The following CCDC85A variants were observed in gnomAD, a reference collection of about 807,000 sequenced individuals.
The protein encoded by CCDC85A is coiled-coil domain-containing protein 85A.
In CCDC85A, 38 loss-of-function variants were observed where a neutral mutation model predicts 50.2. That is an observed-to-expected ratio of 0.76 (90% confidence interval 0.58 to 0.99). The LOEUF is 0.99. CCDC85A is among the 50% of genes least tolerant of loss of function. The probability of loss-of-function intolerance (pLI) is 0.00; values close to 1 mark genes in which losing one functional copy is unlikely to be tolerated. For synonymous variants in CCDC85A, 366 were observed against 301.4 expected (o/e 1.21, Z -2.22); for missense variants, 820 against 742.0 (o/e 1.11, Z -1.22).
intron 2 of CCDC85A, among the ~76,000 whole-genome samples, chr2:56,303,826 C>T (rs149955455): frequency 4.6e-5 from 7 of 152,188 alleles, no homozygotes; most frequent in Non-Finnish European, 1.0e-4. Flanking sequence ...TATGTTCTGG[C>T]ATCGTTAATG....
rs750596286 is a variant in CCDC85A, at chr2:56,192,606, G to T, written c.406G>T (p.Val136Leu). ...WQRLGRYTAG[V>L]MHKEVALYLQ... ...GAGACTGGGTCGCTACACTGCCGGG[G>T]TGATGCACAAGGAAGTGGCCTTATA... Residue 136 changes from valine (V) to leucine (L), a missense_variant, in exon 2 of 6, where the codon GTG becomes TTG. Val to Leu is a conservative substitution (Grantham distance 32). Coordinates refer to ENST00000407595, the MANE Select transcript of CCDC85A (RefSeq NM_001080433.2). The surrounding 1 kb of genome is among the most constrained non-coding windows in gnomAD (Gnocchi z 4.7). The T allele has an allele frequency of 6.2e-7, 1 of 1,613,968 alleles. No individual in the cohort carries two copies. The highest frequency in any genetic ancestry group is 8.5e-7 in the Non-Finnish European group (1 of 1,179,876).
intron 2 of CCDC85A, among the ~76,000 whole-genome samples, chr2:56,319,525 G>A (rs144746283): frequency 2.5e-4 from 38 of 152,138 alleles, no homozygotes; most frequent in South Asian, 8.3e-4. Flanking sequence ...TAAATGTTTC[G>A]CACTCTTTTT....
chr2:56,193,393 A>G lies in CCDC85A; in HGVS notation c.1193A>G (p.Gln398Arg). 6.2e-7 allele frequency: 1 copy of G among 1,611,236 alleles called. No homozygotes were observed. The highest frequency in any genetic ancestry group is 8.5e-7 in the Non-Finnish European group (1 of 1,178,734). ...SREGTLRRQA[Q>R]EDGSPHHRNV... ...GAGGGCACCCTCAGACGGCAGGCAC[A>G]GGAGGACGGGTCACCCCATCACCGG... Residue 398 changes from glutamine to arginine, a missense_variant, in exon 2 of 6, where the codon CAG becomes CGG. Transcript: ENST00000407595.
intron 2 of CCDC85A, among the ~76,000 whole-genome samples, chr2:56,231,480 TAAAGGAAGG>T (rs1668770172): frequency 6.6e-6 from 1 of 152,180 alleles, no homozygotes; most frequent in Non-Finnish European, 1.5e-5. Context: ...GACACATTCT[TAAAGGAAGG>T]AACTTCTTAG....
intron 5 of CCDC85A, among the ~76,000 whole-genome samples, chr2:56,382,055 A>G (rs374764594): frequency 2.0e-5 from 3 of 151,998 alleles, no homozygotes; most frequent in Non-Finnish European, 4.4e-5. Context: ...AACAAACCCA[A>G]ATCTGATTCT....
At chr2:56,204,655 G>C (rs531386058) in intron 2 of CCDC85A, among the ~76,000 whole-genome samples, 31 of 152,264 alleles carry the variant, frequency 2.0e-4, no homozygotes, top group South Asian at 6.2e-4. Context: ...CTTCCTCCAG[G>C]AGTTGTGCAT....
chr2:56,256,990 A>G (rs1487447843), intron 2 of CCDC85A, among the ~76,000 whole-genome samples: 1 of 152,100 alleles, frequency 6.6e-6, no homozygotes, highest in Non-Finnish European at 1.5e-5. Context: ...GAGCTTGTTT[A>G]TAGGGGGAAC....
intron 3 of CCDC85A, 68 bp from the exon 4 acceptor site, chr2:56,372,276 T>A: frequency 1.4e-6 from 2 of 1,419,344 alleles, no homozygotes; most frequent in Non-Finnish European, 1.9e-6. Flanking sequence ...TCATGTTCTA[T>A]CTGCTTTCTT....
chr2:56,259,404 T>C (rs567586503), intron 2 of CCDC85A, among the ~76,000 whole-genome samples: 4 of 152,260 alleles, frequency 2.6e-5, no homozygotes, highest in Non-Finnish European at 2.9e-5. Context: ...TCCCAGCCTA[T>C]TGCTCCAGTG....
chr2:56,255,389 T>A (rs1669939727), intron 2 of CCDC85A, among the ~76,000 whole-genome samples: 1 of 151,950 alleles, frequency 6.6e-6, no homozygotes, highest in South Asian at 2.1e-4. Context: ...AGCTCCTAGG[T>A]AAGTGGTAGA....
At chr2:56,315,920 G>A (rs1672901542) in intron 2 of CCDC85A, among the ~76,000 whole-genome samples, 1 of 152,096 alleles carries the variant, frequency 6.6e-6, no homozygotes, top group Non-Finnish European at 1.5e-5. Context: ...GAGAATGAAT[G>A]TATGTAACTA....
intron 2 of CCDC85A, among the ~76,000 whole-genome samples, chr2:56,254,071 C>T (rs967787481): frequency 1.5e-4 from 23 of 152,134 alleles, no homozygotes; most frequent in African/African-American, 5.6e-4. Flanking sequence ...CACATATACA[C>T]ATATACATAT....
rs377638520 is a variant in CCDC85A, at chr2:56,192,436, A to G, written c.277-41A>G. ...GGAAGTCTGAGCCTGCTGACACCTCAGATGTGTACTTCCCTTGAATGGTTG... is the reference window on the plus strand; with the variant it reads ...GGAAGTCTGAGCCTGCTGACACCTCGGATGTGTACTTCCCTTGAATGGTTG... On this transcript the variant is annotated intron_variant, in intron 1 of 5. Coordinates refer to ENST00000407595, the MANE Select transcript of CCDC85A (RefSeq NM_001080433.2). This position sits in a 1 kb window ranked among gnomAD's most constrained non-coding sequence, Gnocchi z 4.7. 2 of 1,563,118 alleles carry G rather than the reference A, an allele frequency of 1.3e-6. No individual in the cohort carries two copies. Among genetic ancestry groups the G allele is most frequent in the African/African-American group, 2.7e-5 (2 of 73,408 alleles).
intron 2 of CCDC85A, among the ~76,000 whole-genome samples, chr2:56,270,365 A>T (rs1356336065): frequency 6.6e-6 from 1 of 152,232 alleles, no homozygotes; most frequent in Non-Finnish European, 1.5e-5. Context: ...AGAATCCTGG[A>T]TAGTCAGTCA....
chr2:56,279,248 TA>T (rs907834494), intron 2 of CCDC85A, among the ~76,000 whole-genome samples: 1 of 152,118 alleles, frequency 6.6e-6, no homozygotes, highest in Non-Finnish European at 1.5e-5. Flanking sequence ...ACAGGCTTTT[TA>T]AAAAAAATTT....
chr2:56,377,009 G>T (rs763397980), intron 5 of CCDC85A, among the ~76,000 whole-genome samples: 2 of 152,244 alleles, frequency 1.3e-5, no homozygotes, highest in Non-Finnish European at 2.9e-5. Context: ...ACTTTGAGAT[G>T]ATGAAGTTTT....
At chr2:56,356,871 C>T (rs946665727) in intron 3 of CCDC85A, among the ~76,000 whole-genome samples, 15 of 151,784 alleles carry the variant, frequency 9.9e-5, no homozygotes, top group African/African-American at 3.6e-4. Flanking sequence ...AGATCAAGAC[C>T]ATCCTGGCTA....
At chr2:56,216,737 C>CT (rs70955012) in intron 2 of CCDC85A, among the ~76,000 whole-genome samples, 4,172 of 140,944 alleles carry the variant, frequency 0.03, 70 homozygotes, top group South Asian at 0.052. Context: ...TTATTTTTAT[C>CT]TTTTTTTTTT....
At chr2:56,270,835 C>T (rs1435649722) in intron 2 of CCDC85A, among the ~76,000 whole-genome samples, 2 of 152,168 alleles carry the variant, frequency 1.3e-5, no homozygotes, top group Non-Finnish European at 2.9e-5. Flanking sequence ...GCAGTTTATG[C>T]AGTCCACCAT....
Sources: gnomAD v4.1 joint callset for allele counts (sites outside exome capture counted in the v4.1 genomes callset) on GRCh38, gnomAD v4.1.1 for gene constraint, Gnocchi (gnomAD v3.1) non-coding constraint, MANE v1.5 for transcripts, NCBI Gene and HGNC (gene_info 2026-07-23, HGNC 2026-07-21) for gene names.